OR1J2: variants seen among roughly 807,000 people sequenced by gnomAD.
OR1J2 encodes olfactory receptor 1J2.
For missense variants in OR1J2, 304 were observed against 246.1 expected, an observed-to-expected ratio of 1.24 and a Z score of -1.57; for synonymous variants, 142 against 99.7, an observed-to-expected ratio of 1.42 and a Z score of -2.52.
the OR1J2 span, among the ~76,000 whole-genome samples, chr9:122,480,904 C>T: frequency 6.6e-6 from 1 of 152,154 alleles, no homozygotes; most frequent in Non-Finnish European, 1.5e-5. Flanking sequence ...AAGTGATTCT[C>T]CTGCCTCAGC....
At chr9:122,456,472 T>C in the OR1J2 span, among the ~76,000 whole-genome samples, 3 of 152,236 alleles carry the variant, frequency 2.0e-5, no homozygotes, top group Non-Finnish European at 2.9e-5. Context: ...TCTTATCTTA[T>C]TCTTTAATTT....
At chr9:122,461,041 A>C in the OR1J2 span, among the ~76,000 whole-genome samples, 1 of 152,132 alleles carries the variant, frequency 6.6e-6, no homozygotes, top group Admixed American at 6.6e-5. Flanking sequence ...CTAGGTATAC[A>C]ATCATATCAT....
chr9:122,495,485 A>G, the OR1J2 span, among the ~76,000 whole-genome samples: 22 of 151,600 alleles, frequency 1.5e-4, no homozygotes, highest in Non-Finnish European at 2.8e-4. Flanking sequence ...TATTGTTGAG[A>G]CTTTCCAGTG....
the OR1J2 span, among the ~76,000 whole-genome samples, chr9:122,555,339 G>C: frequency 2.0e-5 from 3 of 152,252 alleles, no homozygotes; most frequent in South Asian, 2.1e-4. Flanking sequence ...CTCTCCTTCT[G>C]TCCCTTCTCT....
chr9:122,564,896 C>T, the OR1J2 span, among the ~76,000 whole-genome samples: 1 of 152,218 alleles, frequency 6.6e-6, no homozygotes, highest in African/African-American at 2.4e-5. Flanking sequence ...AATTCTCGAC[C>T]ACTTGTCCTT....
the OR1J2 span, among the ~76,000 whole-genome samples, chr9:122,462,745 G>A: frequency 2.0e-5 from 3 of 152,134 alleles, no homozygotes; most frequent in South Asian, 6.2e-4. Flanking sequence ...GCTAAAAATA[G>A]GACCCCAAAC....
chr9:122,486,577 A>G, the OR1J2 span, among the ~76,000 whole-genome samples: 6 of 152,388 alleles, frequency 3.9e-5, no homozygotes, highest in Non-Finnish European at 7.3e-5. Context: ...AAATTAGAAT[A>G]GCAATCATTC....
chr9:122,535,448 G>C, the OR1J2 span, among the ~76,000 whole-genome samples: 1 of 152,060 alleles, frequency 6.6e-6, no homozygotes, highest in African/African-American at 2.4e-5. Flanking sequence ...TTGGGTCCAC[G>C]GATAAAACAT....
chr9:122,568,177 G>A, the OR1J2 span: 3 of 1,614,096 alleles, frequency 1.9e-6, no homozygotes, highest in East Asian at 2.2e-5. Context: ...AAATACATCT[G>A]TGTCAGACAC....
At chr9:122,543,507 T>C in the OR1J2 span, among the ~76,000 whole-genome samples, 1 of 152,220 alleles carries the variant, frequency 6.6e-6, no homozygotes, top group Non-Finnish European at 1.5e-5. Context: ...CTGGCCCAGA[T>C]GCTCATATTC....
the OR1J2 span, among the ~76,000 whole-genome samples, chr9:122,487,734 C>T: frequency 2.2e-4 from 33 of 152,308 alleles, no homozygotes; most frequent in African/African-American, 7.7e-4. Context: ...ACCCAGGGGA[C>T]TGGTGCCAGA....
chr9:122,560,143 A>T, the OR1J2 span, among the ~76,000 whole-genome samples: 4 of 152,000 alleles, frequency 2.6e-5, no homozygotes, highest in Non-Finnish European at 4.4e-5. Context: ...AGAGACTAGG[A>T]TCACAACCCC....
chr9:122,519,053 T>G, the OR1J2 span: 2 of 896,022 alleles, frequency 2.2e-6, no homozygotes, highest in Non-Finnish European at 3.5e-6. Context: ...GCAAGGATCT[T>G]ATTCTTATCT....
the OR1J2 span, among the ~76,000 whole-genome samples, chr9:122,465,538 A>G: frequency 6.6e-6 from 1 of 152,222 alleles, no homozygotes; most frequent in African/African-American, 2.4e-5. Flanking sequence ...CTCAATGGTC[A>G]TACTGGGGGG....
chr9:122,466,985 AT>A, the OR1J2 span, among the ~76,000 whole-genome samples: 2 of 151,750 alleles, frequency 1.3e-5, no homozygotes, highest in Non-Finnish European at 2.9e-5. Flanking sequence ...TGCCCAGCTA[AT>A]TTTTTTGTAT....
At chr9:122,562,666 C>T in the OR1J2 span, among the ~76,000 whole-genome samples, 1 of 152,140 alleles carries the variant, frequency 6.6e-6, no homozygotes, top group South Asian at 2.1e-4. Context: ...CTGGTGACAG[C>T]ACCTGGATAC....
chr9:122,576,214 CTTTTTTACATTT>C, the OR1J2 span, among the ~76,000 whole-genome samples: 1 of 150,768 alleles, frequency 6.6e-6, no homozygotes, highest in Non-Finnish European at 1.5e-5. Flanking sequence ...GTAACATTTT[CTTTTTTACATTT>C]TTTTTTATTT....
chr9:122,524,175 T>C, the OR1J2 span, among the ~76,000 whole-genome samples: 2 of 152,324 alleles, frequency 1.3e-5, no homozygotes, highest in South Asian at 4.1e-4. Flanking sequence ...CTTACCATAG[T>C]GTTACAGTTG....
chr9:122,552,832 A>G, the OR1J2 span, among the ~76,000 whole-genome samples: 1 of 148,666 alleles, frequency 6.7e-6, no homozygotes, highest in African/African-American at 2.5e-5. Context: ...GAGATCATGC[A>G]TCTTCTTTCC....
Sources: allele counts gnomAD v4.1 joint callset (sites outside exome capture counted in the v4.1 genomes callset), GRCh38; gene constraint gnomAD v4.1.1; transcripts MANE v1.5; gene names NCBI Gene and HGNC (gene_info 2026-07-23, HGNC 2026-07-21).